The following NRG1 variants were observed in gnomAD, a reference collection of about 807,000 sequenced individuals.
The protein encoded by NRG1 is neuregulin 1, also known as pro-neuregulin-1, membrane-bound isoform.
NRG1 carries 18 observed loss-of-function variants against 63.8 expected under a neutral mutation model. That is an observed-to-expected ratio of 0.28 (90% CI 0.19 to 0.42). NRG1 has a LOEUF of 0.42. Among genes scored for constraint, NRG1 ranks in the 10% least tolerant of loss-of-function variants. The pLI, the probability that NRG1 is intolerant of heterozygous loss-of-function variation, is 1.00. For missense variants in NRG1, 762 were observed against 814.7 expected, an observed-to-expected ratio of 0.94 and a Z score of 0.79; for synonymous variants, 302 against 301.3, an observed-to-expected ratio of 1.00 and a Z score of -0.02.
rs1371191598 is a variant in NRG1 at position 31,917,599 on chromosome 8, G to A, written c.37+278168G>A. Among the ~76,000 whole-genome samples the A allele has an allele frequency of 2.6e-5, 4 of 152,188 alleles. No individual in the cohort carries two copies. In the South Asian group the frequency reaches 8.3e-4, roughly 32 times the overall value. On this transcript the variant is annotated intron_variant, in intron 1 of 10. Coordinates refer to the NRG1 transcript ENST00000519301. ...TTGGTACCAGTACCATGCTGTTTTGGTTACTGTAGCCTTGTAGTATAGTTG... is the reference window on the plus strand; with the variant it reads ...TTGGTACCAGTACCATGCTGTTTTGATTACTGTAGCCTTGTAGTATAGTTG...
chr8:32,243,189 T>A, intron 1 of NRG1, among the ~76,000 whole-genome samples: 1 of 152,158 alleles, frequency 6.6e-6, no homozygotes. Flanking sequence ...TTTGGGAGGC[T>A]GAGAGAGGCA....
At chr8:32,288,856 AG>A (rs1853857467) in intron 1 of NRG1, among the ~76,000 whole-genome samples, 1 of 152,100 alleles carries the variant, frequency 6.6e-6, no homozygotes, top group African/African-American at 2.4e-5. Context: ...TTTCCTCTTT[AG>A]CTTTTGTTGA....
At chr8:32,309,288 A>G (rs1856555393) in intron 1 of NRG1, among the ~76,000 whole-genome samples, 1 of 152,190 alleles carries the variant, frequency 6.6e-6, no homozygotes, top group South Asian at 2.1e-4. Context: ...TTAACAAAGT[A>G]ACGCTTATGT....
chr8:32,221,720 T>C (rs1160186181), intron 1 of NRG1, among the ~76,000 whole-genome samples: 1 of 152,154 alleles, frequency 6.6e-6, no homozygotes, highest in Non-Finnish European at 1.5e-5. Flanking sequence ...ACATTTTCAT[T>C]GTATTTGTTG....
At chr8:31,736,578 C>A (rs1334127691) in intron 1 of NRG1, among the ~76,000 whole-genome samples, 2 of 152,040 alleles carry the variant, frequency 1.3e-5, no homozygotes, top group Non-Finnish European at 2.9e-5. Context: ...GAAAAAAAAA[C>A]TTAGTTTCTA....
At chr8:32,079,412 A>T (rs760147156) in intron 1 of NRG1, among the ~76,000 whole-genome samples, 2 of 152,194 alleles carry the variant, frequency 1.3e-5, no homozygotes, top group Non-Finnish European at 2.9e-5. Context: ...ATTCATTTTC[A>T]CAGCAACCCT....
intron 1 of NRG1, among the ~76,000 whole-genome samples, chr8:31,652,261 G>A (rs1166776180): frequency 3.9e-5 from 6 of 152,124 alleles, no homozygotes; most frequent in South Asian, 2.1e-4. Context: ...TCTCAGATTC[G>A]TCCCGTCTTC....
At chr8:31,826,228 T>G (rs1370843794) in intron 1 of NRG1, among the ~76,000 whole-genome samples, 1 of 152,192 alleles carries the variant, frequency 6.6e-6, no homozygotes, top group African/African-American at 2.4e-5. Context: ...CAGATTCAGC[T>G]GGCAGGAAAG....
intron 1 of NRG1, among the ~76,000 whole-genome samples, chr8:31,685,400 CAT>C (rs1383299753): frequency 2.0e-5 from 3 of 152,174 alleles, no homozygotes; most frequent in East Asian, 1.9e-4. Context: ...CAGTAATAAA[CAT>C]ATTTTGGTTA....
At chr8:31,977,305 C>T (rs1162420359) in intron 1 of NRG1, among the ~76,000 whole-genome samples, 1 of 152,012 alleles carries the variant, frequency 6.6e-6, no homozygotes, top group African/African-American at 2.4e-5. Flanking sequence ...GCTGACTTCC[C>T]TTCTCTTTTG....
chr8:32,121,011 G>A (rs1043218253), intron 1 of NRG1, among the ~76,000 whole-genome samples: 1 of 152,016 alleles, frequency 6.6e-6, no homozygotes, highest in African/African-American at 2.4e-5. Context: ...CACAACTGCA[G>A]ATGCTGGTCA....
chr8:32,393,560 G>T (rs761849942), intron 1 of NRG1, among the ~76,000 whole-genome samples: 9 of 152,144 alleles, frequency 5.9e-5, no homozygotes, highest in African/African-American at 1.4e-4. Context: ...GCCATAAAAA[G>T]AACAAATTTA....
chr8:31,718,624 T>G (rs193035238), intron 1 of NRG1, among the ~76,000 whole-genome samples: 14 of 152,326 alleles, frequency 9.2e-5, no homozygotes, highest in African/African-American at 1.4e-4. Flanking sequence ...GAAATAAACC[T>G]AAGACATATC....
At chr8:31,855,370 C>G (rs1443228679) in intron 1 of NRG1, among the ~76,000 whole-genome samples, 1 of 152,096 alleles carries the variant, frequency 6.6e-6, no homozygotes, top group Non-Finnish European at 1.5e-5. Context: ...TATGTAATGG[C>G]CTTCTTTGTC....
At chr8:32,255,995 C>A (rs1849659464) in intron 1 of NRG1, among the ~76,000 whole-genome samples, 1 of 152,186 alleles carries the variant, frequency 6.6e-6, no homozygotes, top group African/African-American at 2.4e-5. Flanking sequence ...TCTGCCTGAT[C>A]TATTCAGCTG....
At chr8:31,827,641 C>T (rs577169924) in intron 1 of NRG1, among the ~76,000 whole-genome samples, 35 of 152,298 alleles carry the variant, frequency 2.3e-4, no homozygotes, top group Admixed American at 5.2e-4. Flanking sequence ...TCTCTGGCAA[C>T]ACTTGGGTAG....
chr8:32,068,911 A>C (rs1043518215), intron 1 of NRG1, among the ~76,000 whole-genome samples: 5 of 152,210 alleles, frequency 3.3e-5, no homozygotes, highest in Non-Finnish European at 7.3e-5. Flanking sequence ...GACTCTGATG[A>C]AGATGTAGGG....
intron 1 of NRG1, among the ~76,000 whole-genome samples, chr8:32,203,094 C>T (rs1168425604): frequency 6.6e-6 from 1 of 150,864 alleles, no homozygotes; most frequent in Non-Finnish European, 1.5e-5. Context: ...TGGAATTTGG[C>T]TTCTGTCACT....
chr8:32,305,758 G>A (rs928626073), intron 1 of NRG1, among the ~76,000 whole-genome samples: 1 of 152,054 alleles, frequency 6.6e-6, no homozygotes, highest in African/African-American at 2.4e-5. Context: ...TTTGGTCCAG[G>A]GGATGTTACC....
Sources: allele counts gnomAD v4.1 joint callset (sites outside exome capture counted in the v4.1 genomes callset), GRCh38; gene constraint gnomAD v4.1.1; transcripts MANE v1.5; gene names NCBI Gene and HGNC (gene_info 2026-07-23, HGNC 2026-07-21).